Variants in TANC2 observed in about 807,000 individuals in gnomAD.
TANC2 encodes the protein protein TANC2.
Under a neutral mutation model 210.5 loss-of-function variants are expected in TANC2, and 26 were observed. The ratio of observed to expected loss-of-function variants is 0.12; its 90% CI spans 0.09 to 0.17. TANC2 has a LOEUF of 0.17. Among genes scored for constraint, TANC2 ranks in the 10% least tolerant of loss-of-function variants. The pLI is 1.00. For synonymous variants in TANC2, 931 were observed against 967.1 expected (o/e 0.96, Z 0.69); for missense variants, 2,129 against 2,608.9 (o/e 0.82, Z 4.01).
chr17:63,273,361 A>T (rs1470065032), intron 9 of TANC2, among the ~76,000 whole-genome samples: 1 of 152,176 alleles, frequency 6.6e-6, no homozygotes, highest in African/African-American at 2.4e-5. Context: ...GAAATTAAAA[A>T]TAATATGTTA....
intron 6 of TANC2, among the ~76,000 whole-genome samples, chr17:63,194,363 A>G (rs979973809): frequency 2.6e-5 from 4 of 152,194 alleles, no homozygotes; most frequent in African/African-American, 2.4e-5. Context: ...TGAACGAGCA[A>G]GCCAACAAAT....
chr17:63,382,893 G>A (rs1458732024), intron 15 of TANC2, among the ~76,000 whole-genome samples: 1 of 152,066 alleles, frequency 6.6e-6, no homozygotes, highest in Non-Finnish European at 1.5e-5. Flanking sequence ...TTCTGTCTTT[G>A]AGATTTCTCT....
chr17:63,048,733 G>A (rs564193039), intron 2 of TANC2, among the ~76,000 whole-genome samples: 221 of 152,148 alleles, frequency 1.5e-3, no homozygotes, highest in Non-Finnish European at 2.3e-3. Context: ...TTATAAATGG[G>A]AAATAAATGA....
intron 9 of TANC2, among the ~76,000 whole-genome samples, chr17:63,304,934 G>A (rs1004485019): frequency 2.0e-5 from 3 of 152,182 alleles, no homozygotes; most frequent in Non-Finnish European, 2.9e-5. Context: ...CCCTTGCTCC[G>A]GCAGGGGAAA....
chr17:62,998,660 A>G (rs562429229), intron 1 of TANC2, among the ~76,000 whole-genome samples: 16 of 152,350 alleles, frequency 1.1e-4, no homozygotes, highest in South Asian at 2.1e-4. Flanking sequence ...ACTAAGCTTC[A>G]TAAGTGAAGG....
At chr17:63,120,122 A>C (rs1171277852) in intron 4 of TANC2, among the ~76,000 whole-genome samples, 3 of 151,404 alleles carry the variant, frequency 2.0e-5, no homozygotes, top group Non-Finnish European at 4.4e-5. Flanking sequence ...TTTTATTAGC[A>C]GATTTATTCA....
chr17:63,268,009 A>G (rs905629695), intron 9 of TANC2, 136 bp downstream of exon 9: 1 of 979,990 alleles, frequency 1.0e-6, no homozygotes, highest in East Asian at 2.8e-5. Context: ...TTAGCATGTG[A>G]CCAGTTCATT....
In TANC2 at chr17:63,314,291, T is replaced by C. The variant is rs17760127; in HGVS notation, c.1160-97T>C. ...ATAAGCCTAGGATGCCATCATATGATAACTCAAGTCCCTAAACCACACTGC... is the reference window on the plus strand; with the variant it reads ...ATAAGCCTAGGATGCCATCATATGACAACTCAAGTCCCTAAACCACACTGC... On this transcript the variant is annotated intron_variant, in intron 9 of 27. Transcript: ENST00000689528. 3.5e-3 allele frequency: 4,784 copies of C among 1,353,536 alleles called. 21 individuals carry two copies. The highest frequency in any genetic ancestry group is 0.012 in the South Asian group (826 of 71,572). 83.8% of individuals were successfully genotyped at this position (1,353,536 alleles called of 1,614,324 possible).
chr17:63,041,381 CAAAG>C (rs1176398119), intron 2 of TANC2, among the ~76,000 whole-genome samples: 1 of 151,992 alleles, frequency 6.6e-6, no homozygotes, highest in Middle Eastern at 3.4e-3. Flanking sequence ...GCAGATGAAA[CAAAG>C]AAATCTGATT....
intron 2 of TANC2, among the ~76,000 whole-genome samples, chr17:63,060,466 C>CA (rs1234566781): frequency 6.6e-6 from 1 of 152,100 alleles, no homozygotes; most frequent in Non-Finnish European, 1.5e-5. Context: ...ACCAGAAATA[C>CA]AAAAATTAGC....
chr17:63,150,463 T>G (rs952979615), intron 4 of TANC2: 1 of 152,194 alleles, frequency 6.6e-6, no homozygotes. Context: ...GTACATACTT[T>G]CAATAAGTAA....
intron 2 of TANC2, among the ~76,000 whole-genome samples, chr17:63,067,329 A>C (rs2036238667): frequency 6.6e-6 from 1 of 152,200 alleles, no homozygotes; most frequent in Non-Finnish European, 1.5e-5. Flanking sequence ...TGCAACTATT[A>C]TAAAAATGCT....
chr17:63,073,181 C>T (rs117058901), intron 2 of TANC2, among the ~76,000 whole-genome samples: 2,000 of 152,020 alleles, frequency 0.013, 21 homozygotes, highest in Middle Eastern at 0.038. Context: ...GGTTTAGTTT[C>T]ATATTTTATA....
At chr17:63,251,777 A>G (rs1233343301) in intron 8 of TANC2, among the ~76,000 whole-genome samples, 2 of 152,156 alleles carry the variant, frequency 1.3e-5, no homozygotes, top group African/African-American at 2.4e-5. Context: ...GGATTTTTGA[A>G]GGAATGAACT....
chr17:63,243,789 A>G (rs914566273), intron 8 of TANC2, among the ~76,000 whole-genome samples: 1 of 152,256 alleles, frequency 6.6e-6, no homozygotes, highest in African/African-American at 2.4e-5. Flanking sequence ...CTTAAAAGAT[A>G]CAAATAAAAA....
chr17:63,137,500 T>C lies in TANC2; in HGVS notation c.323-13770T>C, dbSNP rs115499253. On this transcript the variant is annotated intron_variant, in intron 4 of 27. Coordinates refer to ENST00000689528, the Ensembl canonical transcript of TANC2. Reference sequence around the variant, plus strand: ...TCTTTTATAGAAAAGAATCCAGTCATTAAAGCTAGAAATTAAATGGTTGTA... The same window carrying C: ...TCTTTTATAGAAAAGAATCCAGTCACTAAAGCTAGAAATTAAATGGTTGTA... Among the ~76,000 whole-genome samples the C allele has an allele frequency of 8.5e-3, 1,297 of 152,334 alleles. 16 individuals are homozygous for C. The highest frequency in any genetic ancestry group is 0.029 in the African/African-American group (1,189 of 41,580).
At chr17:63,143,443 A>G (rs1403295726) in intron 4 of TANC2, among the ~76,000 whole-genome samples, 1 of 152,238 alleles carries the variant, frequency 6.6e-6, no homozygotes, top group Non-Finnish European at 1.5e-5. Context: ...TAGAGCTTTT[A>G]GCAATATTTG....
intron 2 of TANC2, among the ~76,000 whole-genome samples, chr17:63,065,692 GTCT>G (rs2036170093): frequency 6.6e-6 from 1 of 152,126 alleles, no homozygotes; most frequent in Non-Finnish European, 1.5e-5. Flanking sequence ...CTCTTTATAT[GTCT>G]TCTTTAGAGA....
At chr17:63,422,183 C>T (rs1459984918) in exon 28 of TANC2, 4 of 510,554 alleles carry the variant, frequency 7.8e-6, no homozygotes, top group Non-Finnish European at 1.4e-5. Context: ...TGCTCTCTCC[C>T]TCTCTTCAGA....
Sources: allele counts gnomAD v4.1 joint callset (sites outside exome capture counted in the v4.1 genomes callset), GRCh38; gene constraint gnomAD v4.1.1; transcripts MANE v1.5; gene names NCBI Gene and HGNC (gene_info 2026-07-23, HGNC 2026-07-21).